The following MYO9A variants were observed in gnomAD, a reference collection of about 807,000 sequenced individuals.
MYO9A encodes myosin IXA.
Under a neutral mutation model 293.3 loss-of-function variants are expected in MYO9A, and 103 were observed. The ratio of observed to expected loss-of-function variants is 0.35; its 90% CI spans 0.30 to 0.41. The LOEUF (loss-of-function observed/expected upper bound fraction) is 0.41. Ranked by LOEUF, MYO9A falls within the 10% of genes least tolerant of loss-of-function variation. The probability of loss-of-function intolerance (pLI) is 1.00; values close to 1 mark genes in which losing one functional copy is unlikely to be tolerated. For missense variants in MYO9A, 2,685 were observed against 3,033.0 expected (o/e 0.89, Z 2.69); for synonymous variants, 1,001 against 1,035.7 (o/e 0.97, Z 0.64).
intron 34 of MYO9A, among the ~76,000 whole-genome samples, chr15:71,857,630 GT>G (rs1477688137): frequency 6.6e-6 from 1 of 150,400 alleles, no homozygotes; most frequent in African/African-American, 2.4e-5. Context: ...TTTGAACTTT[GT>G]TTAAATGTAC....
Position 72,094,993 on chromosome 15 carries a change from G to C in MYO9A, c.-72+22687C>G, listed in dbSNP as rs1193898142. On this transcript the variant is annotated intron_variant, in intron 1 of 41. Transcript: ENST00000356056. ...AGCTGTTCCCTGACTCTTTCTTCTC[G>C]TTGGGCCTCACTATTGCCTGAAACA... Among the ~76,000 whole-genome samples, 2 of 91,284 alleles carry C rather than the reference G, an allele frequency of 2.2e-5. 1 individual carries two copies. The highest frequency in any genetic ancestry group is 6.6e-5 in the Non-Finnish European group (2 of 30,228). The allele number at this position is 91,284 out of a possible 152,430, so 59.9% of individuals were successfully genotyped here.
At chr15:72,020,775 C>CATCACCTAAATTTGTAGAGT (rs2149205384) in intron 5 of MYO9A, 143 bp downstream of exon 5, 1 of 419,036 alleles carries the variant, frequency 2.4e-6, no homozygotes, top group East Asian at 3.6e-5. Flanking sequence ...TTGAGAACTG[C>CATCACCTAAATTTGTAGAGT]ATCACCTAAA....
chr15:72,080,500 A>G (rs2079511476), intron 1 of MYO9A, among the ~76,000 whole-genome samples: 1 of 151,894 alleles, frequency 6.6e-6, no homozygotes, highest in Non-Finnish European at 1.5e-5. Context: ...AGGAGACAGT[A>G]AGAGCCAGAA....
At chr15:71,866,604 A>G (rs996830622) in intron 32 of MYO9A, among the ~76,000 whole-genome samples, 1 of 152,182 alleles carries the variant, frequency 6.6e-6, no homozygotes, top group African/African-American at 2.4e-5. Flanking sequence ...TCAGAAGAAA[A>G]GATTCAAAAT....
chr15:72,090,933 G>A (rs540601873), intron 1 of MYO9A, among the ~76,000 whole-genome samples: 1 of 150,374 alleles, frequency 6.7e-6, no homozygotes, highest in African/African-American at 2.4e-5. Flanking sequence ...AGGCTGAGGT[G>A]GGAAAACCAC....
At chr15:71,908,137 G>A (rs1349782652) in intron 19 of MYO9A, among the ~76,000 whole-genome samples, 1 of 152,094 alleles carries the variant, frequency 6.6e-6, no homozygotes. Flanking sequence ...TGTAAGGAGG[G>A]GATCCAGTTT....
At chr15:71,847,475 T>A (rs1567192583) in intron 39 of MYO9A, 2 of 453,216 alleles carry the variant, frequency 4.4e-6, no homozygotes, top group Non-Finnish European at 8.9e-6. Flanking sequence ...GTTTCTGGAT[T>A]AGGAAGGACA....
At chr15:71,929,945 C>T (rs116855263) in intron 18 of MYO9A, among the ~76,000 whole-genome samples, 6,874 of 152,166 alleles carry the variant, frequency 0.045, 213 homozygotes, top group Non-Finnish European at 0.063. Context: ...TAATGCTGGC[C>T]TTATAAAATG....
At chr15:72,115,671 C>T (rs1262414828) in intron 1 of MYO9A, among the ~76,000 whole-genome samples, 3 of 152,160 alleles carry the variant, frequency 2.0e-5, no homozygotes, top group African/African-American at 7.2e-5. Context: ...CTGATCATTC[C>T]AGTCCCCTGC....
intron 1 of MYO9A, among the ~76,000 whole-genome samples, chr15:72,114,006 A>T (rs2080877161): frequency 6.6e-6 from 1 of 152,142 alleles, no homozygotes; most frequent in Admixed American, 6.5e-5. Context: ...ACATAGGGGG[A>T]AAAAAACTGA....
At chr15:72,066,410 C>T (rs971454441) in intron 1 of MYO9A, among the ~76,000 whole-genome samples, 2 of 149,666 alleles carry the variant, frequency 1.3e-5, no homozygotes, top group Non-Finnish European at 3.0e-5. Flanking sequence ...CGCTTGAACC[C>T]GGGTGGTGGA....
Position 71,934,371 on chromosome 15 carries a change from G to A in MYO9A, c.2523-662C>T, listed in dbSNP as rs749127447. 4.6e-5 allele frequency among the ~76,000 whole-genome samples: 7 copies of A among 151,962 alleles called. No homozygotes were observed. The East Asian group carries it at 5.8e-4, about 13-fold the overall frequency. ...TTCATTATGTAATAATGTAAAACAG[G>A]GAGGACAATACTACCTATAACTTAA... On this transcript the variant is annotated intron_variant, in intron 17 of 41. Transcript: ENST00000356056.
intron 30 of MYO9A, 22 bp downstream of exon 30, chr15:71,879,699 C>T: frequency 6.6e-7 from 1 of 1,524,532 alleles, no homozygotes; most frequent in Non-Finnish European, 9.1e-7. Flanking sequence ...TACTAAATAT[C>T]TCCTAACATA....
chr15:72,078,822 T>A (rs2079449652), intron 1 of MYO9A, among the ~76,000 whole-genome samples: 1 of 151,988 alleles, frequency 6.6e-6, no homozygotes, highest in African/African-American at 2.4e-5. Flanking sequence ...TATCGAACCA[T>A]GAAAAAATAC....
chr15:71,895,017 AAAGT>A (rs2057283885), intron 25 of MYO9A, among the ~76,000 whole-genome samples: 2 of 152,358 alleles, frequency 1.3e-5, no homozygotes, highest in East Asian at 3.9e-4. Context: ...AATTTTTATA[AAAGT>A]AAGTCTAGGA....
At chr15:71,884,996 AAC>A (rs1372746858) in intron 27 of MYO9A, among the ~76,000 whole-genome samples, 4 of 150,648 alleles carry the variant, frequency 2.7e-5, no homozygotes, top group Non-Finnish European at 5.9e-5. Context: ...CTTATTACTA[AAC>A]TCATATATTT....
At chr15:71,894,131 C>A (rs1220244993) in intron 25 of MYO9A, among the ~76,000 whole-genome samples, 1 of 152,112 alleles carries the variant, frequency 6.6e-6, no homozygotes, top group Non-Finnish European at 1.5e-5. Flanking sequence ...TTACAAGGGG[C>A]CTTTCCATCT....
intron 1 of MYO9A, among the ~76,000 whole-genome samples, chr15:72,063,752 CA>C (rs1457144813): frequency 6.6e-6 from 1 of 152,070 alleles, no homozygotes; most frequent in Non-Finnish European, 1.5e-5. Flanking sequence ...GGAGGTTCCT[CA>C]AAAAACTAAA....
chr15:71,903,182 G>A (rs751003691), intron 21 of MYO9A, 119 bp from the exon 22 acceptor site: 22 of 818,714 alleles, frequency 2.7e-5, no homozygotes, highest in East Asian at 1.5e-4. Context: ...AAACCAAGAC[G>A]TGCATGTTAA....
Sources: allele counts gnomAD v4.1 joint callset (sites outside exome capture counted in the v4.1 genomes callset), GRCh38; gene constraint gnomAD v4.1.1; transcripts MANE v1.5; gene names NCBI Gene and HGNC (gene_info 2026-07-23, HGNC 2026-07-21).